CCDC192: variants seen among roughly 807,000 people sequenced by gnomAD.
The protein encoded by CCDC192 is coiled-coil domain-containing protein 192.
chr5:127,759,013 C>A (rs1436366840), intron 3 of CCDC192, among the ~76,000 whole-genome samples: 1 of 152,212 alleles, frequency 6.6e-6, no homozygotes, highest in Non-Finnish European at 1.5e-5. Context: ...AGTGTTAGCC[C>A]AGAGTCTCTC....
chr5:127,723,214 A>G (rs1460681621), intron 2 of CCDC192, among the ~76,000 whole-genome samples: 2 of 151,896 alleles, frequency 1.3e-5, no homozygotes, highest in African/African-American at 2.4e-5. Context: ...TTTTATTTTT[A>G]TCTCTTGTAA....
upstream of CCDC192, chr5:127,703,370 G>A (rs887170858): frequency 5.3e-5 from 21 of 398,656 alleles, no homozygotes; most frequent in Non-Finnish European, 8.4e-5. Flanking sequence ...CAATAGCAGG[G>A]ATTCTAAAAC....
intron 6 of CCDC192, among the ~76,000 whole-genome samples, chr5:127,929,433 A>G (rs1753957094): frequency 6.6e-6 from 1 of 152,164 alleles, no homozygotes; most frequent in Non-Finnish European, 1.5e-5. Context: ...AAATTTTAAA[A>G]AGAGAAGGGG....
chr5:127,741,498 G>A (rs1363487591), intron 2 of CCDC192, among the ~76,000 whole-genome samples: 1 of 152,190 alleles, frequency 6.6e-6, no homozygotes, highest in Non-Finnish European at 1.5e-5. Flanking sequence ...ACAAAATTAT[G>A]TGCAGGTGTG....
At chr5:127,933,870 T>C (rs1372935000) in intron 6 of CCDC192, among the ~76,000 whole-genome samples, 1 of 152,232 alleles carries the variant, frequency 6.6e-6, no homozygotes, top group Non-Finnish European at 1.5e-5. Flanking sequence ...AGGCACCATC[T>C]ATGAGGAATG....
At chr5:127,937,157 G>T (rs765313299) in intron 6 of CCDC192, among the ~76,000 whole-genome samples, 1 of 152,186 alleles carries the variant, frequency 6.6e-6, no homozygotes, top group Non-Finnish European at 1.5e-5. Flanking sequence ...ACTTGTATGA[G>T]AATTTTTTTA....
At chr5:127,705,731 T>G (rs985913304) in intron 1 of CCDC192, among the ~76,000 whole-genome samples, 1 of 151,850 alleles carries the variant, frequency 6.6e-6, no homozygotes, top group African/African-American at 2.4e-5. Flanking sequence ...AGAGTATGAG[T>G]GTTCTGGCCA....
intron 2 of CCDC192, among the ~76,000 whole-genome samples, chr5:127,738,966 T>G (rs1086472): frequency 0.3 from 45,679 of 151,754 alleles, 7,366 homozygotes; most frequent in South Asian, 0.43. Flanking sequence ...GTTCCGTTGC[T>G]GGTGAGGAAC....
At chr5:127,921,642 A>G (rs1753724508) in intron 6 of CCDC192, among the ~76,000 whole-genome samples, 1 of 152,084 alleles carries the variant, frequency 6.6e-6, no homozygotes, top group Non-Finnish European at 1.5e-5. Context: ...ATGGATTAAC[A>G]TTTTTCTTTT....
intron 2 of CCDC192, among the ~76,000 whole-genome samples, chr5:127,738,236 T>C (rs1005310580): frequency 6.7e-6 from 1 of 149,794 alleles, no homozygotes; most frequent in Non-Finnish European, 1.5e-5. Context: ...AATTCTTTCC[T>C]TTAAGAATGT....
chr5:127,931,467 G>A (rs2126309449), intron 6 of CCDC192, among the ~76,000 whole-genome samples: 1 of 152,308 alleles, frequency 6.6e-6, no homozygotes, highest in African/African-American at 2.4e-5. Flanking sequence ...GCTTTGTCAA[G>A]TAGCCAGCAC....
At chr5:127,792,820 AAGAAGAAGG>A (rs1342642699) in intron 3 of CCDC192, among the ~76,000 whole-genome samples, 1 of 149,490 alleles carries the variant, frequency 6.7e-6, no homozygotes, top group African/African-American at 2.5e-5. Flanking sequence ...GAGGAAGAAG[AAGAAGAAGG>A]AGGAGGAGGA....
intron 3 of CCDC192, among the ~76,000 whole-genome samples, chr5:127,780,509 G>A (rs1215886830): frequency 6.6e-6 from 1 of 152,016 alleles, no homozygotes; most frequent in African/African-American, 2.4e-5. Context: ...TTTGATTATG[G>A]CAATTCTTGC....
At chr5:127,723,713 A>G (rs918613927) in intron 2 of CCDC192, among the ~76,000 whole-genome samples, 2 of 152,252 alleles carry the variant, frequency 1.3e-5, no homozygotes, top group Non-Finnish European at 2.9e-5. Flanking sequence ...CAGAGAATGC[A>G]GGTGGCAACA....
intron 2 of CCDC192, among the ~76,000 whole-genome samples, chr5:127,749,792 C>G (rs896795086): frequency 1.1e-4 from 17 of 152,108 alleles, no homozygotes; most frequent in Non-Finnish European, 1.0e-4. Context: ...AATTTGAGAT[C>G]CTGTTATTGG....
In CCDC192 at chr5:127,847,422, T is replaced by C. The variant is rs548338875; in HGVS notation, c.412-28116T>C. Among the ~76,000 whole-genome samples the C allele has an allele frequency of 3.9e-5, 6 of 152,314 alleles. No individual in the cohort carries two copies. The East Asian group carries it at 9.6e-4, about 24-fold the overall frequency. Reference sequence around the variant, plus strand: ...AAGACCAATCTACTTTCAAAAGATATAGAACTTTATGACAGAAGGTGAAAA... The same window carrying C: ...AAGACCAATCTACTTTCAAAAGATACAGAACTTTATGACAGAAGGTGAAAA... On this transcript the variant is annotated intron_variant, in intron 5 of 6. Transcript: ENST00000514853.
intron 3 of CCDC192, among the ~76,000 whole-genome samples, chr5:127,766,229 CT>C (rs1169170952): frequency 1.3e-5 from 2 of 152,124 alleles, no homozygotes; most frequent in Non-Finnish European, 2.9e-5. Context: ...TGAGTCTGAT[CT>C]GCTCAGTCAA....
At chr5:127,859,621 A>C (rs1751271207) in intron 5 of CCDC192, among the ~76,000 whole-genome samples, 1 of 152,086 alleles carries the variant, frequency 6.6e-6, no homozygotes. Context: ...ATTTCCAAAA[A>C]TTTGCCCACC....
At chr5:127,871,526 C>G (rs1407452187) in intron 5 of CCDC192, among the ~76,000 whole-genome samples, 2 of 152,182 alleles carry the variant, frequency 1.3e-5, no homozygotes, top group Non-Finnish European at 2.9e-5. Context: ...AACTACTACA[C>G]GGCATAGTGT....
Sources: gnomAD v4.1 joint callset for allele counts (sites outside exome capture counted in the v4.1 genomes callset) on GRCh38, gnomAD v4.1.1 for gene constraint, MANE v1.5 for transcripts, NCBI Gene and HGNC (gene_info 2026-07-23, HGNC 2026-07-21) for gene names.